The following MOXD1 variants were observed in gnomAD, a reference collection of about 807,000 sequenced individuals.
MOXD1 encodes DBH-like monooxygenase protein 1.
Under a neutral mutation model 66.6 loss-of-function variants are expected in MOXD1, and 62 were observed. The observed-to-expected ratio is 0.93, with a 90% CI of 0.76 to 1.15. The LOEUF is 1.15. MOXD1 is among the 50% of genes most tolerant of loss of function. MOXD1 has a pLI of 0.00. For synonymous variants in MOXD1, 303 were observed against 281.9 expected, an observed-to-expected ratio of 1.07 and a Z score of -0.75; for missense variants, 847 against 754.6, an observed-to-expected ratio of 1.12 and a Z score of -1.44.
chr6:132,373,363 G>A (rs1217231777), intron 2 of MOXD1, among the ~76,000 whole-genome samples: 2 of 152,172 alleles, frequency 1.3e-5, no homozygotes, highest in Non-Finnish European at 2.9e-5. Flanking sequence ...TTCTTGTTCA[G>A]CAGCAGAGAC....
At chr6:132,306,364 T>G (rs1008460992) in intron 10 of MOXD1, among the ~76,000 whole-genome samples, 1 of 151,812 alleles carries the variant, frequency 6.6e-6, no homozygotes, top group South Asian at 2.1e-4. Context: ...TAGGACTTCA[T>G]AAAAAGACCT....
intron 11 of MOXD1, 142 bp from the exon 12 acceptor site, chr6:132,297,459 G>A: frequency 2.4e-6 from 2 of 842,220 alleles, no homozygotes; most frequent in Non-Finnish European, 3.7e-6. Flanking sequence ...GGGGGAGTCA[G>A]AAACCTAGGG....
intron 11 of MOXD1, 91 bp downstream of exon 11, chr6:132,297,695 AT>A: frequency 7.0e-7 from 1 of 1,434,830 alleles, no homozygotes; most frequent in Non-Finnish European, 9.3e-7. Context: ...GGACCCCTGG[AT>A]TTATGGATAT....
intron 1 of MOXD1, among the ~76,000 whole-genome samples, chr6:132,385,430 T>A (rs1562299563): frequency 6.6e-6 from 1 of 150,740 alleles, no homozygotes; most frequent in African/African-American, 2.4e-5. Context: ...AACTTATACA[T>A]AACAACTATA....
At chr6:132,297,510 A>G (rs1386112616) in intron 11 of MOXD1, among the ~76,000 whole-genome samples, 193 bp from the exon 12 acceptor site, 1 of 152,040 alleles carries the variant, frequency 6.6e-6, no homozygotes, top group Non-Finnish European at 1.5e-5. Flanking sequence ...ACTCCTTTGG[A>G]AAAGAATACA....
At chr6:132,397,612 CAGAGAG>C (rs58540885) in intron 1 of MOXD1, among the ~76,000 whole-genome samples, 12,087 of 136,986 alleles carry the variant, frequency 0.088, 841 homozygotes, top group African/African-American at 0.18. Flanking sequence ...CACACACTCA[CAGAGAG>C]AGAGAGAGAG....
At chr6:132,399,816 G>C (rs1475988668) in intron 1 of MOXD1, among the ~76,000 whole-genome samples, 1 of 152,164 alleles carries the variant, frequency 6.6e-6, no homozygotes, top group African/African-American at 2.4e-5. Flanking sequence ...ATAAGGTATT[G>C]TCTACTTTAT....
At chr6:132,321,410 T>C (rs1395848388) in intron 8 of MOXD1, among the ~76,000 whole-genome samples, 1 of 152,246 alleles carries the variant, frequency 6.6e-6, no homozygotes, top group Non-Finnish European at 1.5e-5. Flanking sequence ...CATTATTTTC[T>C]TTAAAGGTCT....
intron 1 of MOXD1, among the ~76,000 whole-genome samples, chr6:132,382,097 G>T (rs1776523609): frequency 6.6e-6 from 1 of 151,872 alleles, no homozygotes; most frequent in Admixed American, 6.6e-5. Context: ...TGATATCACA[G>T]TCATTATAAA....
At chr6:132,367,683 G>T (rs747470185) in intron 4 of MOXD1, among the ~76,000 whole-genome samples, 1 of 152,002 alleles carries the variant, frequency 6.6e-6, no homozygotes, top group Non-Finnish European at 1.5e-5. Flanking sequence ...TAATAGTTTT[G>T]TAAGTGTCAG....
At chr6:132,305,137 G>T (rs1438247125) in intron 10 of MOXD1, among the ~76,000 whole-genome samples, 1 of 152,228 alleles carries the variant, frequency 6.6e-6, no homozygotes, top group Non-Finnish European at 1.5e-5. Flanking sequence ...GGGAAGGGCA[G>T]CATCCATCTC....
chr6:132,358,651 A>G (rs892881958), intron 4 of MOXD1, among the ~76,000 whole-genome samples: 3 of 152,238 alleles, frequency 2.0e-5, no homozygotes, highest in Non-Finnish European at 2.9e-5. Flanking sequence ...AAAGGGGCAT[A>G]TTCAAAAACC....
intron 4 of MOXD1, among the ~76,000 whole-genome samples, chr6:132,353,731 T>G (rs1775851965): frequency 6.6e-6 from 1 of 152,198 alleles, no homozygotes; most frequent in African/African-American, 2.4e-5. Context: ...CAAGGAAATT[T>G]TCCTTGATTA....
rs554678591 is a variant in MOXD1 at position 132,327,349 on chromosome 6, C to T, written c.946+664G>A. On this transcript the variant is annotated intron_variant, in intron 6 of 11. Coordinates refer to ENST00000367963, the MANE Select transcript of MOXD1 (RefSeq NM_015529.4). ...GAACAGCATCTGTTTTTCACTCACT[C>T]TATATCCTCAAGCACAGATCTGGCA... is the stretch of plus-strand genomic sequence containing the variant. Among the ~76,000 whole-genome samples, 5 of 152,320 alleles carry T rather than the reference C, an allele frequency of 3.3e-5. No individual in the cohort carries two copies. In the South Asian group the frequency reaches 1.0e-3, roughly 32 times the overall value.
chr6:132,365,725 T>C (rs1205380687), intron 4 of MOXD1, among the ~76,000 whole-genome samples: 2 of 152,198 alleles, frequency 1.3e-5, no homozygotes, highest in Non-Finnish European at 2.9e-5. Context: ...AGTGTTTCCA[T>C]GAAGTAGATG....
intron 11 of MOXD1, 44 bp downstream of exon 11, chr6:132,297,743 A>G (rs763449930): frequency 6.5e-7 from 1 of 1,545,948 alleles, no homozygotes; most frequent in South Asian, 1.3e-5. Flanking sequence ...ATAGATTCAG[A>G]TAAAATGTGT....
rs1230084737 is a variant in MOXD1, at chr6:132,303,708, T to TACACACACACACACACAC, written c.1509-5771_1509-5754dup. 3.8e-4 allele frequency among the ~76,000 whole-genome samples: 51 copies of TACACACACACACACACAC among 135,978 alleles called. 1 individual carries two copies. Among genetic ancestry groups the TACACACACACACACACAC allele is most frequent in the African/African-American group, 1.3e-3 (46 of 36,186 alleles). The allele number at this position is 135,978 out of a possible 152,430, so 89.2% of individuals were successfully genotyped here. A position where few individuals can be genotyped will look rare whatever the true frequency, so the allele number is the denominator to read the frequency against. ...GAAAGCAGAGGGCTGACTGTATACA[T>TACACACACACACACACAC]ACACACACACACACACACACACACA... On this transcript the variant is annotated intron_variant, in intron 10 of 11. Coordinates refer to ENST00000367963, the MANE Select transcript of MOXD1 (RefSeq NM_015529.4).
At chr6:132,313,036 A>G (rs1774865515) in intron 10 of MOXD1, among the ~76,000 whole-genome samples, 1 of 139,586 alleles carries the variant, frequency 7.2e-6, no homozygotes, top group Non-Finnish European at 1.5e-5. Flanking sequence ...TTAAAATGAT[A>G]TTTTATGTGA....
At chr6:132,342,707 C>G (rs952098266) in intron 4 of MOXD1, among the ~76,000 whole-genome samples, 10 of 152,310 alleles carry the variant, frequency 6.6e-5, no homozygotes, top group Admixed American at 6.5e-4. Context: ...TCCAGCATTT[C>G]ACAGAGTCAA....
Sources: allele counts gnomAD v4.1 joint callset (sites outside exome capture counted in the v4.1 genomes callset), GRCh38; gene constraint gnomAD v4.1.1; transcripts MANE v1.5; gene names NCBI Gene and HGNC (gene_info 2026-07-23, HGNC 2026-07-21).